Variants in SECISBP2 observed in about 807,000 individuals in gnomAD.
The protein encoded by SECISBP2 is selenocysteine insertion sequence-binding protein 2.
SECISBP2 carries 96 observed loss-of-function variants against 98.2 expected under a neutral mutation model. The ratio of observed to expected loss-of-function variants is 0.98; its 90% CI spans 0.83 to 1.16. The LOEUF (loss-of-function observed/expected upper bound fraction) is 1.16, where lower values mean the gene tolerates loss of function less well. Ranked by LOEUF, SECISBP2 falls within the 50% of genes most tolerant of loss-of-function variation. The pLI is 0.00. For synonymous variants in SECISBP2, 407 were observed against 370.2 expected, an observed-to-expected ratio of 1.10 and a Z score of -1.14; for missense variants, 1,046 against 1,022.9, an observed-to-expected ratio of 1.02 and a Z score of -0.31.
In SECISBP2 at chr9:89,333,940, T is replaced by TCA; in HGVS notation, c.881-582_881-581insCA. The TCA allele has an allele frequency of 1.5e-5, 12 of 809,690 alleles. No homozygotes were observed. In the South Asian group the frequency reaches 1.6e-4, roughly 11 times the overall value. 50.2% of individuals were successfully genotyped at this position (809,690 alleles called of 1,614,324 possible). A position where few individuals can be genotyped will look rare whatever the true frequency, so the allele number is the denominator to read the frequency against. ...TTCTCTAGTGAGGGGAACAGTCTGT[T>TCA]TTACCCTTGGGGGTAGCCACAGGCT... On this transcript the variant is annotated intron_variant, in intron 6 of 16. Coordinates refer to ENST00000375807, the MANE Select transcript of SECISBP2 (RefSeq NM_024077.5).
At chr9:89,337,510 AAG>A (rs1212721738) in intron 7 of SECISBP2, among the ~76,000 whole-genome samples, 1 of 152,182 alleles carries the variant, frequency 6.6e-6, no homozygotes, top group Non-Finnish European at 1.5e-5. Context: ...AATATGAACA[AAG>A]AGAGAGGGGT....
At chr9:89,351,284 G>A (rs1011560928) in intron 14 of SECISBP2, among the ~76,000 whole-genome samples, 1 of 152,234 alleles carries the variant, frequency 6.6e-6, no homozygotes, top group African/African-American at 2.4e-5. Context: ...TGTTACAGAT[G>A]TGGCTTTGTC....
Position 89,347,013 on chromosome 9 carries a change from A to C in SECISBP2, c.1567A>C (p.Ile523Leu), listed in dbSNP as rs757628036. 4.3e-6 allele frequency: 7 copies of C among 1,614,070 alleles called. No homozygotes were observed. Among genetic ancestry groups the C allele is most frequent in the Non-Finnish European group, 4.2e-6 (5 of 1,180,038 alleles). Residue 523 changes from isoleucine to leucine, a missense_variant, in exon 11 of 17, where the codon ATC (isoleucine) becomes CTC (leucine). Ile to Leu is a conservative substitution (Grantham distance 5). Transcript: ENST00000375807. The part of the protein sequence containing the change: ...PLMKKGKQRE[I>L]PKAKKPTSLK... ...GATGAAGAAAGGGAAGCAGAGGGAG[A>C]TCCCCAAGGCCAAGAAGCCAACCTC... is the stretch of plus-strand genomic sequence containing the variant.
At chr9:89,344,121 G>C (rs1830094118) in intron 10 of SECISBP2, among the ~76,000 whole-genome samples, 1 of 152,190 alleles carries the variant, frequency 6.6e-6, no homozygotes, top group South Asian at 2.1e-4. Flanking sequence ...TATGTCTCTT[G>C]AAAAGTGTCT....
In SECISBP2 at chr9:89,325,601, C is replaced by A. The variant is rs755662391; in HGVS notation, c.357C>A (p.Tyr119Ter). Residue 119 changes from tyrosine (Y) to a stop codon, truncating the protein, a stop_gained, in exon 3 of 17, where the codon TAC becomes TAA. Transcript: ENST00000375807. LOFTEE classifies it high-confidence loss of function. ...SQYLYNQPSC[Y>*]RGFQTVKHRN... is the part of the protein sequence containing the mutation. ...ATCTTTATAACCAACCCAGTTGTTA[C>A]CGAGGTTTTCAAACAGTGAAGCATC... 3 of 1,613,986 alleles carry A rather than the reference C, an allele frequency of 1.9e-6. No individual in the cohort carries two copies. Among genetic ancestry groups the A allele is most frequent in the Non-Finnish European group, 2.5e-6 (3 of 1,180,026 alleles).
downstream of SECISBP2, chr9:89,362,155 T>C: frequency 6.6e-6 from 4 of 602,584 alleles, no homozygotes; most frequent in Non-Finnish European, 1.2e-5. Context: ...CAGACAGAAC[T>C]TACTGTCCCA....
chr9:89,325,775 G>A lies in SECISBP2; in HGVS notation c.432+99G>A, dbSNP rs1826586638. 3.8e-6 allele frequency: 6 copies of A among 1,587,240 alleles called. No individual in the cohort carries two copies. In the East Asian group the frequency reaches 1.1e-4, roughly 30 times the overall value. On this transcript the variant is annotated intron_variant, in intron 3 of 16. Coordinates refer to ENST00000375807, the MANE Select transcript of SECISBP2 (RefSeq NM_024077.5). Reference sequence around the variant, plus strand: ...TTTGTACATCATATTTAAGTATCATGTATTTTTTTGTATTTAACCTTTTAA... The same window carrying A: ...TTTGTACATCATATTTAAGTATCATATATTTTTTTGTATTTAACCTTTTAA...
intron 10 of SECISBP2, among the ~76,000 whole-genome samples, chr9:89,342,862 A>G (rs1829860698): frequency 6.6e-6 from 1 of 152,228 alleles, no homozygotes; most frequent in African/African-American, 2.4e-5. Context: ...CAACATTGTG[A>G]ATATAATTTA....
chr9:89,350,045 T>A, intron 13 of SECISBP2, 116 bp downstream of exon 13: 1 of 1,282,346 alleles, frequency 7.8e-7, no homozygotes, highest in Non-Finnish European at 1.1e-6. Flanking sequence ...TTTAAAAACC[T>A]CATGGTTGAA....
downstream of SECISBP2, chr9:89,361,595 C>T (rs1832769804): frequency 6.6e-6 from 1 of 152,212 alleles, no homozygotes; most frequent in African/African-American, 2.4e-5. Flanking sequence ...ACTCATGAGA[C>T]TCATTCCATC....
chr9:89,350,792 A>G lies in SECISBP2; in HGVS notation c.2053A>G (p.Lys685Glu). 1.2e-6 allele frequency: 2 copies of G among 1,614,200 alleles called. No individual in the cohort carries two copies. Among genetic ancestry groups the G allele is most frequent in the Non-Finnish European group, 1.7e-6 (2 of 1,180,034 alleles). Residue 685 changes from lysine (K) to glutamate (E), a missense_variant, in exon 14 of 17, where the codon AAG (lysine) becomes GAG (glutamate). Coordinates refer to ENST00000375807, the MANE Select transcript of SECISBP2 (RefSeq NM_024077.5). ...LGLREVLKHL[K>E]LKKLKCVIIS... Reference sequence around the variant, plus strand: ...GTTGAGGGAGGTTCTCAAACACCTGAAGCTCAAAAAACTGAAATGTGTCAT... The same window carrying G: ...GTTGAGGGAGGTTCTCAAACACCTGGAGCTCAAAAAACTGAAATGTGTCAT...
chr9:89,339,735 T>C (rs1829362930), intron 8 of SECISBP2, 129 bp from the exon 9 acceptor site: 2 of 718,486 alleles, frequency 2.8e-6, no homozygotes, highest in Non-Finnish European at 4.9e-6. Flanking sequence ...TATGTGAGAG[T>C]TTCGCGGCTT....
intron 1 of SECISBP2, among the ~76,000 whole-genome samples, chr9:89,319,377 C>G (rs1472595955): frequency 6.6e-6 from 1 of 152,012 alleles, no homozygotes; most frequent in East Asian, 1.9e-4. Context: ...ACCCTTATTC[C>G]AAGATCTAAA....
At chr9:89,342,720 A>C (rs909410557) in intron 10 of SECISBP2, among the ~76,000 whole-genome samples, 4 of 152,216 alleles carry the variant, frequency 2.6e-5, no homozygotes. Context: ...TGGAATAGGC[A>C]AATTCATAAA....
chr9:89,336,170 G>T (rs1399919341), intron 7 of SECISBP2, among the ~76,000 whole-genome samples: 1 of 139,004 alleles, frequency 7.2e-6, no homozygotes, highest in Non-Finnish European at 1.5e-5. Context: ...CTAGCAACTG[G>T]GACTACAGGC....
chr9:89,318,881 C>T, intron 1 of SECISBP2: 1 of 1,245,466 alleles, frequency 8.0e-7, no homozygotes, highest in African/African-American at 1.6e-5. Flanking sequence ...CCCAGCCCGG[C>T]GCTCCCCGCA....
downstream of SECISBP2, chr9:89,364,162 C>T: frequency 3.1e-6 from 3 of 977,632 alleles, no homozygotes; most frequent in Non-Finnish European, 4.4e-6. Context: ...ACTTCCTGCT[C>T]TTTGACCTTA....
chr9:89,318,900 G>T lies in SECISBP2; in HGVS notation c.36+288G>T, dbSNP rs780988736. Reference sequence around the variant, plus strand: ...GCCCGGCGCTCCCCGCAGTCGGGGCGGGGGGACTCTGGCGAGCTTCCCGCG... The same window carrying T: ...GCCCGGCGCTCCCCGCAGTCGGGGCTGGGGGACTCTGGCGAGCTTCCCGCG... On this transcript the variant is annotated intron_variant, in intron 1 of 16. Transcript: ENST00000375807. 10 of 1,237,098 alleles carry T rather than the reference G, an allele frequency of 8.1e-6. No homozygotes were observed. The East Asian group carries it at 2.0e-4, about 25-fold the overall frequency. 76.6% of individuals were successfully genotyped at this position (1,237,098 alleles called of 1,614,324 possible).
intron 9 of SECISBP2, 107 bp downstream of exon 9, chr9:89,340,060 G>T: frequency 1.3e-6 from 1 of 786,724 alleles, no homozygotes; most frequent in Non-Finnish European, 2.2e-6. Flanking sequence ...GTGACAGGTG[G>T]TTTTGTTTTG....
Sources: allele counts gnomAD v4.1 joint callset (sites outside exome capture counted in the v4.1 genomes callset), GRCh38; gene constraint gnomAD v4.1.1; transcripts MANE v1.5; gene names NCBI Gene and HGNC (gene_info 2026-07-23, HGNC 2026-07-21).